The following DISP1 variants were observed in gnomAD, a reference collection of about 807,000 sequenced individuals.
DISP1 encodes dispatched RND transporter family member 1.
Under a neutral mutation model 37.3 loss-of-function variants are expected in DISP1, and 30 were observed. The ratio of observed to expected loss-of-function variants is 0.80; its 90% CI spans 0.60 to 1.09. The LOEUF is 1.09. DISP1 is among the 50% of genes least tolerant of loss of function. DISP1 has a pLI of 0.00. For synonymous variants in DISP1, 634 were observed against 690.2 expected (o/e 0.92, Z 1.28); for missense variants, 1,598 against 1,879.5 (o/e 0.85, Z 2.77).
intron 8 of DISP1, among the ~76,000 whole-genome samples, chr1:222,997,884 G>C (rs988164220): frequency 7.2e-5 from 11 of 152,000 alleles, no homozygotes; most frequent in Non-Finnish European, 1.3e-4. Context: ...ATGAATGGTT[G>C]GTATGGCCAA....
chr1:222,906,540 A>G (rs770371301), intron 1 of DISP1, among the ~76,000 whole-genome samples: 1 of 152,256 alleles, frequency 6.6e-6, no homozygotes, highest in Admixed American at 6.5e-5. Flanking sequence ...AAACAGTTGC[A>G]GTAAAGAAGC....
intron 3 of DISP1, among the ~76,000 whole-genome samples, chr1:222,969,818 G>C (rs1284248390): frequency 6.6e-6 from 1 of 152,080 alleles, no homozygotes; most frequent in Non-Finnish European, 1.5e-5. Context: ...GGGTAATTGT[G>C]TAATTTTCTG....
intron 1 of DISP1, among the ~76,000 whole-genome samples, chr1:222,923,352 G>A (rs1438471239): frequency 6.6e-6 from 1 of 152,118 alleles, no homozygotes; most frequent in Non-Finnish European, 1.5e-5. Flanking sequence ...CTTGAAATGT[G>A]ACGCCTTGTG....
chr1:222,984,741 T>C (rs111283046), intron 4 of DISP1, among the ~76,000 whole-genome samples: 1,558 of 152,110 alleles, frequency 0.01, 29 homozygotes, highest in African/African-American at 0.035. Flanking sequence ...TCCAAAACTT[T>C]TTTTCTGTTG....
chr1:222,928,774 A>AT (rs1673225919), intron 2 of DISP1, among the ~76,000 whole-genome samples: 1 of 152,118 alleles, frequency 6.6e-6, no homozygotes, highest in African/African-American at 2.4e-5. Context: ...GTTTATTTAA[A>AT]TTGTAGTCTA....
At chr1:222,995,016 C>A in intron 8 of DISP1, 34 bp downstream of exon 8, 1 of 1,509,042 alleles carries the variant, frequency 6.6e-7, no homozygotes, top group Non-Finnish European at 9.2e-7. Flanking sequence ...CTCCTTAGCA[C>A]AAATAAGGTT....
intron 2 of DISP1, among the ~76,000 whole-genome samples, chr1:222,936,830 A>ATATAT (rs1558340075): frequency 2.0e-5 from 1 of 50,022 alleles, no homozygotes; most frequent in African/African-American, 7.6e-5. Context: ...TAATATATAT[A>ATATAT]AATTATATAT....
chr1:222,958,239 A>G (rs568933408), intron 3 of DISP1, among the ~76,000 whole-genome samples: 3 of 152,354 alleles, frequency 2.0e-5, no homozygotes, highest in African/African-American at 7.2e-5. Context: ...TCTTCTCAGC[A>G]ATATTCTTAA....
chr1:222,927,640 A>G (rs775646262), intron 1 of DISP1, among the ~76,000 whole-genome samples: 110 of 152,184 alleles, frequency 7.2e-4, no homozygotes, highest in Non-Finnish European at 1.1e-3. Context: ...CAAGAATTGC[A>G]TACATATTTT....
At chr1:222,979,849 C>G in intron 3 of DISP1, 1 of 220,148 alleles carries the variant, frequency 4.5e-6, no homozygotes, top group Non-Finnish European at 9.8e-6. Context: ...GACAAGTGTG[C>G]TTACCAAACC....
intron 1 of DISP1, among the ~76,000 whole-genome samples, chr1:222,887,591 T>C (rs111919747): frequency 0.32 from 36,607 of 113,444 alleles, 7,311 homozygotes; most frequent in South Asian, 0.46. Flanking sequence ...CTCCGCTTCC[T>C]GGGTTCACGC....
At chr1:222,900,585 A>G (rs961199207) in intron 1 of DISP1, among the ~76,000 whole-genome samples, 2 of 152,200 alleles carry the variant, frequency 1.3e-5, no homozygotes, top group African/African-American at 4.8e-5. Flanking sequence ...TTTGTAAACT[A>G]TATACTTGGA....
chr1:223,003,620 G>C lies in DISP1; in HGVS notation c.2223G>C (p.Lys741Asn), dbSNP rs1255144246. ...CCTACATTGTATGTATAAATCCAAA[G>C]ATGAAACTGCCCTCACTGGAGTTAT... is the stretch of plus-strand genomic sequence containing the variant. ...GGAYIVCINP[K>N]MKLPSLELSE... is the part of the protein sequence containing the mutation. The change falls in exon 9 of 9, where the codon AAG becomes AAC. Residue 741 changes from lysine (K) to asparagine (N), a missense_variant. Lys to Asn is a moderately conservative substitution (Grantham distance 94). Transcript: ENST00000675850. The surrounding 1 kb of genome is among the most constrained non-coding windows in gnomAD (Gnocchi z 4.3). 6.2e-7 allele frequency: 1 copy of C among 1,614,082 alleles called. No homozygotes were observed. The highest frequency in any genetic ancestry group is 2.2e-5 in the East Asian group (1 of 44,896).
chr1:222,983,779 A>T (rs1013868112), intron 4 of DISP1, among the ~76,000 whole-genome samples: 16 of 152,186 alleles, frequency 1.1e-4, no homozygotes, highest in Admixed American at 1.0e-3. Context: ...CTTTCTTTTT[A>T]AAAATCTTGT....
At chr1:222,988,742 C>T (rs893472574) in intron 4 of DISP1, among the ~76,000 whole-genome samples, 4 of 151,412 alleles carry the variant, frequency 2.6e-5, no homozygotes, top group African/African-American at 9.7e-5. Context: ...CAACCTCCGC[C>T]TCCTGGGTTC....
intron 4 of DISP1, among the ~76,000 whole-genome samples, chr1:222,983,567 G>A (rs2246705): frequency 1 from 152,183 of 152,224 alleles, 76,071 homozygotes; most frequent in Non-Finnish European, 1. Flanking sequence ...CAGTGAGCCA[G>A]GATTGTGCCA....
At chr1:222,840,508 C>T (rs1667527924) in intron 1 of DISP1, among the ~76,000 whole-genome samples, 2 of 150,492 alleles carry the variant, frequency 1.3e-5, no homozygotes, top group South Asian at 2.1e-4. Flanking sequence ...TCCCAAAGTA[C>T]TAGGATTACA....
chr1:222,965,538 A>T (rs1165705897), intron 3 of DISP1, among the ~76,000 whole-genome samples: 3 of 152,132 alleles, frequency 2.0e-5, no homozygotes, highest in African/African-American at 7.2e-5. Flanking sequence ...TATAGCATGC[A>T]GTCTCTGTTT....
At chr1:222,913,292 TAA>T (rs987834701) in intron 1 of DISP1, among the ~76,000 whole-genome samples, 1 of 152,096 alleles carries the variant, frequency 6.6e-6, no homozygotes, top group Admixed American at 6.6e-5. Flanking sequence ...GCAAATAAAT[TAA>T]GTTTTATTTT....
Sources: gnomAD v4.1 joint callset for allele counts (sites outside exome capture counted in the v4.1 genomes callset) on GRCh38, gnomAD v4.1.1 for gene constraint, Gnocchi (gnomAD v3.1) non-coding constraint, MANE v1.5 for transcripts, NCBI Gene and HGNC (gene_info 2026-07-23, HGNC 2026-07-21) for gene names.